The following ATP1B1 variants were observed in gnomAD, a reference collection of about 807,000 sequenced individuals.
ATP1B1 encodes the protein ATPase Na+/K+ transporting subunit beta 1.
Under a neutral mutation model 39.6 loss-of-function variants are expected in ATP1B1, and 3 were observed. That is an observed-to-expected ratio of 0.08 (90% confidence interval 0.03 to 0.20). The LOEUF is 0.20. ATP1B1 is among the 10% of genes least tolerant of loss of function. The pLI is 1.00. For synonymous variants in ATP1B1, 139 were observed against 135.0 expected (o/e 1.03, Z -0.20); for missense variants, 216 against 371.1 (o/e 0.58, Z 3.43).
intron 3 of ATP1B1, 141 bp from the exon 4 acceptor site, chr1:169,127,083 C>A: frequency 3.5e-6 from 3 of 868,668 alleles, no homozygotes; most frequent in East Asian, 6.3e-5. Context: ...TCCTGGAGAT[C>A]TTGCTTAATT....
At position 169,132,132 on chromosome 1, in the gene ATP1B1, T is replaced by A. The variant is rs1557954575; in HGVS notation, c.*577T>A. On this transcript the variant is annotated 3_prime_UTR_variant, in exon 6 of 6. Coordinates refer to ENST00000367815, the MANE Select transcript of ATP1B1 (RefSeq NM_001677.4). ...TCCTGTGGTGTTAGGTCTTTATTTT[T>A]ATTTTTTTCCTGGGGGCTGGGGTGG... 1.8e-6 allele frequency: 1 copy of A among 562,328 alleles called. No individual in the cohort carries two copies. Among genetic ancestry groups the A allele is most frequent in the African/African-American group, 1.9e-5 (1 of 52,568 alleles). The allele number at this position is 562,328 out of a possible 1,614,324, so 34.8% of individuals were successfully genotyped here.
intron 2 of ATP1B1, among the ~76,000 whole-genome samples, chr1:169,114,849 C>T (rs766325977): frequency 2.0e-5 from 3 of 151,428 alleles, no homozygotes; most frequent in Non-Finnish European, 2.9e-5. Flanking sequence ...CATAGCAAGA[C>T]CCCATATCCA....
intron 1 of ATP1B1, among the ~76,000 whole-genome samples, chr1:169,110,212 A>G (rs1657697801): frequency 6.6e-6 from 1 of 152,118 alleles, no homozygotes; most frequent in Non-Finnish European, 1.5e-5. Flanking sequence ...ACAGGGCAAC[A>G]AGGCTAATTC....
chr1:169,107,176 C>G (rs371049771), intron 1 of ATP1B1, among the ~76,000 whole-genome samples: 1 of 152,172 alleles, frequency 6.6e-6, no homozygotes, highest in African/African-American at 2.4e-5. Context: ...TCGTAGCGAT[C>G]TTGGCTTGGT....
Position 169,132,048 on chromosome 1 carries a change from T to TTTG in ATP1B1, c.*493_*494insTTG. ...TTTTTTTTTTTTTTTTTTTGTTTTTTGGCTCTTTCAAAGGTAATGGCCCAT... is the reference window on the plus strand; with the variant it reads ...TTTTTTTTTTTTTTTTTTTGTTTTTTTTGGGCTCTTTCAAAGGTAATGGCCCAT... On this transcript the variant is annotated 3_prime_UTR_variant, in exon 6 of 6. Transcript: ENST00000367815. 4 of 274,384 alleles carry TTTG rather than the reference T, an allele frequency of 1.5e-5. No individual in the cohort carries two copies. The highest frequency in any genetic ancestry group is 4.0e-5 in the South Asian group (1 of 24,716). 17.0% of individuals were successfully genotyped at this position (274,384 alleles called of 1,614,324 possible).
intron 2 of ATP1B1, among the ~76,000 whole-genome samples, chr1:169,118,593 C>T (rs550981967): frequency 1.3e-5 from 2 of 152,284 alleles, no homozygotes; most frequent in Admixed American, 1.3e-4. Flanking sequence ...CCAGAAATAT[C>T]TTAGGTCCTA....
intron 2 of ATP1B1, among the ~76,000 whole-genome samples, chr1:169,112,350 A>G (rs948609629): frequency 1.3e-5 from 2 of 152,266 alleles, no homozygotes; most frequent in African/African-American, 4.8e-5. Context: ...GAATAGCCAC[A>G]AACGTGAATT....
chr1:169,118,124 G>C (rs1416679645), intron 2 of ATP1B1, among the ~76,000 whole-genome samples: 1 of 152,144 alleles, frequency 6.6e-6, no homozygotes, highest in Non-Finnish European at 1.5e-5. Flanking sequence ...TGCCCCTATG[G>C]AATATGCATT....
At chr1:169,127,191 G>A (rs1343199882) in intron 3 of ATP1B1, 33 bp from the exon 4 acceptor site, 1 of 1,546,108 alleles carries the variant, frequency 6.5e-7, no homozygotes, top group South Asian at 1.3e-5. Context: ...GGGAATTGCT[G>A]GTACAATATA....
At chr1:169,108,173 G>A (rs1377957166) in intron 1 of ATP1B1, 1 of 152,160 alleles carries the variant, frequency 6.6e-6, no homozygotes. Flanking sequence ...GGTTAGTCAA[G>A]GTGAAGCGTC....
Position 169,106,728 on chromosome 1 carries a change from C to T in ATP1B1, c.-102C>T. The T allele has an allele frequency of 1.1e-6, 1 of 914,514 alleles. No homozygotes were observed. Among genetic ancestry groups the T allele is most frequent in the Non-Finnish European group, 1.6e-6 (1 of 639,458 alleles). 56.6% of individuals were successfully genotyped at this position (914,514 alleles called of 1,614,324 possible). On this transcript the variant is annotated 5_prime_UTR_variant, in exon 1 of 6. Transcript: ENST00000367815. ...CAGCGGCAGCGGCGCGTCCTGCCTG[C>T]AGAGAGCCAGGCCGGAGAAGCCGAG...
At chr1:169,127,749 G>A (rs1188186209) in intron 4 of ATP1B1, among the ~76,000 whole-genome samples, 1 of 151,268 alleles carries the variant, frequency 6.6e-6, no homozygotes, top group East Asian at 1.9e-4. Context: ...TTTTTCCCTG[G>A]TGGTCTAGTG....
chr1:169,111,165 C>A (rs950744464), intron 1 of ATP1B1, among the ~76,000 whole-genome samples: 6 of 152,138 alleles, frequency 3.9e-5, no homozygotes, highest in African/African-American at 1.4e-4. Flanking sequence ...TAACCACCTC[C>A]CATACACACT....
intron 2 of ATP1B1, among the ~76,000 whole-genome samples, chr1:169,123,480 G>A (rs1658025076): frequency 6.6e-6 from 1 of 151,948 alleles, no homozygotes; most frequent in Non-Finnish European, 1.5e-5. Flanking sequence ...CACACAGAGA[G>A]GGGAGATCTG....
intron 4 of ATP1B1, 74 bp downstream of exon 4, chr1:169,127,482 T>C (rs1405458300): frequency 2.7e-6 from 4 of 1,485,566 alleles, no homozygotes; most frequent in African/African-American, 1.4e-5. Context: ...GAGAAGACAA[T>C]GTAAGATAGT....
At chr1:169,123,945 TTAAATG>T (rs1658037512) in intron 2 of ATP1B1, among the ~76,000 whole-genome samples, 1 of 152,320 alleles carries the variant, frequency 6.6e-6, no homozygotes, top group Non-Finnish European at 1.5e-5. Flanking sequence ...ACAATAATTT[TTAAATG>T]TAAGTGTGTC....
chr1:169,131,664 A>T lies in ATP1B1; in HGVS notation c.*109A>T. 8.0e-7 allele frequency: 1 copy of T among 1,257,500 alleles called. No homozygotes were observed. Among genetic ancestry groups the T allele is most frequent in the South Asian group, 1.5e-5 (1 of 65,016 alleles). 77.9% of individuals were successfully genotyped at this position (1,257,500 alleles called of 1,614,324 possible). On this transcript the variant is annotated 3_prime_UTR_variant, in exon 6 of 6. Coordinates refer to ENST00000367815, the MANE Select transcript of ATP1B1 (RefSeq NM_001677.4). The surrounding 1 kb of genome is among the most constrained non-coding windows in gnomAD (Gnocchi z 4.4). ...TGTCATACGTATGGGACCTACACTTAATCTATATGCTTTACACTAGCTTTC... is the reference window on the plus strand; with the variant it reads ...TGTCATACGTATGGGACCTACACTTTATCTATATGCTTTACACTAGCTTTC...
At chr1:169,112,360 T>A (rs970642816) in intron 2 of ATP1B1, among the ~76,000 whole-genome samples, 3 of 152,338 alleles carry the variant, frequency 2.0e-5, no homozygotes, top group African/African-American at 7.2e-5. Context: ...AAACGTGAAT[T>A]TACCATCTGG....
chr1:169,131,593 G>A lies in ATP1B1; in HGVS notation c.*38G>A. 6.4e-7 allele frequency: 1 copy of A among 1,569,278 alleles called. No individual in the cohort carries two copies. Among genetic ancestry groups the A allele is most frequent in the Non-Finnish European group, 8.6e-7 (1 of 1,162,322 alleles). ...ATCTTTCCCACTAGCCATTTAATAA[G>A]TTAAAAAAAGATACAAAAACAAAAA... On this transcript the variant is annotated 3_prime_UTR_variant, in exon 6 of 6. Transcript: ENST00000367815. This position sits in a 1 kb window ranked among gnomAD's most constrained non-coding sequence, Gnocchi z 4.4.
Sources: gnomAD v4.1 joint callset for allele counts (sites outside exome capture counted in the v4.1 genomes callset) on GRCh38, gnomAD v4.1.1 for gene constraint, Gnocchi (gnomAD v3.1) non-coding constraint, MANE v1.5 for transcripts, NCBI Gene and HGNC (gene_info 2026-07-23, HGNC 2026-07-21) for gene names.